LRP1B: variants seen among roughly 807,000 people sequenced by gnomAD.
LRP1B encodes LDL receptor related protein 1B, also known as low-density lipoprotein receptor-related protein 1B.
LRP1B carries 217 observed loss-of-function variants against 556.6 expected under a neutral mutation model. That is an observed-to-expected ratio of 0.39 (90% CI 0.35 to 0.44). The LOEUF is 0.44. Ranked by LOEUF, LRP1B falls within the 20% of genes least tolerant of loss-of-function variation. The pLI, the probability that LRP1B is intolerant of heterozygous loss-of-function variation, is 1.00. For synonymous variants in LRP1B, 2,047 were observed against 1,865.8 expected, an observed-to-expected ratio of 1.10 and a Z score of -2.50; for missense variants, 5,053 against 5,620.8, an observed-to-expected ratio of 0.90 and a Z score of 3.23.
intron 5 of LRP1B, among the ~76,000 whole-genome samples, chr2:141,235,313 A>G (rs2105306331): frequency 6.6e-6 from 1 of 152,234 alleles, no homozygotes; most frequent in African/African-American, 2.4e-5. Context: ...AGAGATCAGT[A>G]AGACAGTCCG....
At chr2:141,164,685 G>A (rs1399230154) in intron 7 of LRP1B, among the ~76,000 whole-genome samples, 1 of 151,982 alleles carries the variant, frequency 6.6e-6, no homozygotes, top group Non-Finnish European at 1.5e-5. Context: ...TTCTATCTGT[G>A]ATAGTAACAA....
At chr2:141,636,202 A>G (rs1000781266) in intron 2 of LRP1B, among the ~76,000 whole-genome samples, 1 of 152,186 alleles carries the variant, frequency 6.6e-6, no homozygotes, top group East Asian at 1.9e-4. Context: ...GGTATATACT[A>G]CTTAACGTTG....
chr2:141,585,568 CCAT>C (rs1687109220), intron 2 of LRP1B, among the ~76,000 whole-genome samples: 1 of 151,670 alleles, frequency 6.6e-6, no homozygotes, highest in African/African-American at 2.4e-5. Flanking sequence ...GGCATGCTTG[CCAT>C]ATACGAGTTT....
chr2:140,907,179 G>T (rs184054978), intron 22 of LRP1B, among the ~76,000 whole-genome samples: 2 of 151,830 alleles, frequency 1.3e-5, no homozygotes, highest in East Asian at 3.9e-4. Flanking sequence ...ATTATCTATT[G>T]ATGTCACCTT....
intron 6 of LRP1B, among the ~76,000 whole-genome samples, chr2:141,215,824 C>T (rs1029063819): frequency 3.3e-5 from 5 of 152,070 alleles, no homozygotes; most frequent in Non-Finnish European, 7.4e-5. Flanking sequence ...GAAGTGGGAG[C>T]AAAGAAATGA....
rs11395192 is a variant in LRP1B at position 140,718,855 on chromosome 2, ATTTT to A, written c.5759-2043_5759-2040del. 3.2e-3 allele frequency among the ~76,000 whole-genome samples: 480 copies of A among 151,032 alleles called. 2 individuals carry two copies. The highest frequency in any genetic ancestry group is 0.011 in the African/African-American group (465 of 41,162). On this transcript the variant is annotated intron_variant, in intron 35 of 90. Transcript: ENST00000389484. ...TTCTTCAGTACAAGAGTCTTCACAT[ATTTT>A]TTTTTCTTTTTGTCTTGAACGTTTT...
intron 3 of LRP1B, among the ~76,000 whole-genome samples, chr2:141,342,265 A>T (rs1489842818): frequency 1.8e-5 from 2 of 110,874 alleles, no homozygotes; most frequent in Non-Finnish European, 3.8e-5. Context: ...AAATAAAATA[A>T]ATAAAAATAA....
At chr2:140,410,091 GGAC>G (rs1684908072) in intron 66 of LRP1B, among the ~76,000 whole-genome samples, 1 of 151,828 alleles carries the variant, frequency 6.6e-6, no homozygotes, top group Non-Finnish European at 1.5e-5. Context: ...AGATAAATAC[GGAC>G]AACATTGCAA....
chr2:141,530,912 G>C (rs979051537), intron 2 of LRP1B, among the ~76,000 whole-genome samples: 2 of 150,994 alleles, frequency 1.3e-5, no homozygotes, highest in African/African-American at 4.9e-5. Context: ...GCAGACAGAG[G>C]CTAAATGGAT....
chr2:141,367,471 CTTTTTTTTTT>C (rs1169568111), intron 3 of LRP1B, among the ~76,000 whole-genome samples: 8 of 44,942 alleles, frequency 1.8e-4, no homozygotes, highest in South Asian at 2.3e-3. Flanking sequence ...ATTTGAAATG[CTTTTTTTTTT>C]TTTTTTTTTT....
In LRP1B at chr2:140,960,341, A is replaced by G. The variant is rs74688206; in HGVS notation, c.2888-8401T>C. Among the ~76,000 whole-genome samples, 98 of 151,926 alleles carry G rather than the reference A, an allele frequency of 6.5e-4. 1 individual carries two copies. Among genetic ancestry groups the G allele is most frequent in the African/African-American group, 2.3e-3 (97 of 41,536 alleles). ...AAATGGTTTCTAAGAATTCACTCTT[A>G]TTTATTCTAGTTATAGATCTTTCTC... On this transcript the variant is annotated intron_variant, in intron 18 of 90. Transcript: ENST00000389484.
At chr2:140,553,377 A>T (rs1307098308) in intron 43 of LRP1B, among the ~76,000 whole-genome samples, 2 of 151,916 alleles carry the variant, frequency 1.3e-5, no homozygotes, top group African/African-American at 2.4e-5. Flanking sequence ...ACAACATTCA[A>T]AGCATTGATC....
intron 3 of LRP1B, among the ~76,000 whole-genome samples, chr2:141,387,995 C>G (rs1019804965): frequency 6.6e-6 from 1 of 152,056 alleles, no homozygotes; most frequent in Non-Finnish European, 1.5e-5. Context: ...GTGGGATTTA[C>G]TATACAAATG....
intron 2 of LRP1B, among the ~76,000 whole-genome samples, chr2:141,792,233 G>A (rs1019298795): frequency 2.6e-5 from 4 of 151,762 alleles, no homozygotes; most frequent in South Asian, 2.1e-4. Flanking sequence ...GAATAAGAAA[G>A]GATAAACTAA....
intron 6 of LRP1B, among the ~76,000 whole-genome samples, chr2:141,215,621 A>T (rs1426965911): frequency 6.6e-6 from 1 of 152,182 alleles, no homozygotes; most frequent in East Asian, 1.9e-4. Context: ...GATTTAAATG[A>T]ACTTATTGGG....
intron 2 of LRP1B, among the ~76,000 whole-genome samples, chr2:141,586,578 G>T (rs1687141446): frequency 6.6e-6 from 1 of 152,132 alleles, no homozygotes; most frequent in Non-Finnish European, 1.5e-5. Flanking sequence ...TTGGATATAT[G>T]ATGATGTTTA....
In LRP1B at chr2:141,235,113, G is replaced by A. The variant is rs188607273; in HGVS notation, c.593-5673C>T. 2.3e-4 allele frequency among the ~76,000 whole-genome samples: 35 copies of A among 151,920 alleles called. No individual in the cohort carries two copies. The East Asian group carries it at 6.6e-3, about 29-fold the overall frequency. On this transcript the variant is annotated intron_variant, in intron 5 of 90. Transcript: ENST00000389484. ...TAGAAATAATATATAAATCAAATTA[G>A]GAAAACGAAAAGGCATTAAAAACTG...
chr2:141,743,486 C>CTTTTTTTTTTTTTTTTTTTTTTTTTTT (rs765968445), intron 2 of LRP1B, among the ~76,000 whole-genome samples: 1 of 108,034 alleles, frequency 9.3e-6, no homozygotes, highest in Non-Finnish European at 1.8e-5. Context: ...CTGCTTTTTT[C>CTTTTTTTTTTTTTTTTTTTTTTTTTTT]TTTTTTTTTT....
At chr2:140,612,219 G>A (rs1187348525) in intron 41 of LRP1B, among the ~76,000 whole-genome samples, 4 of 151,934 alleles carry the variant, frequency 2.6e-5, no homozygotes, top group South Asian at 2.1e-4. Context: ...TATTTTATGA[G>A]GTGTAATAAT....
Sources: gnomAD v4.1 joint callset for allele counts (sites outside exome capture counted in the v4.1 genomes callset) on GRCh38, gnomAD v4.1.1 for gene constraint, MANE v1.5 for transcripts, NCBI Gene and HGNC (gene_info 2026-07-23, HGNC 2026-07-21) for gene names.